POP1: variants seen among roughly 807,000 people sequenced by gnomAD.
The protein encoded by POP1 is ribonucleases P/MRP protein subunit POP1.
In POP1, 75 loss-of-function variants were observed where a neutral mutation model predicts 102.2. That is an observed-to-expected ratio of 0.73 (90% CI 0.61 to 0.89). POP1 has a LOEUF of 0.89. Among genes scored for constraint, POP1 ranks in the 40% least tolerant of loss-of-function variants. The pLI, the probability that POP1 is intolerant of heterozygous loss-of-function variation, is 0.00. For synonymous variants in POP1, 436 were observed against 464.1 expected (o/e 0.94, Z 0.78); for missense variants, 1,116 against 1,267.4 (o/e 0.88, Z 1.81).
chr8:98,137,417 C>G (rs1816577369), intron 9 of POP1, among the ~76,000 whole-genome samples: 1 of 152,094 alleles, frequency 6.6e-6, no homozygotes, highest in Non-Finnish European at 1.5e-5. Context: ...ATTCTCCTGC[C>G]TCAGCCCCCC....
chr8:98,155,950 TGTGTG>T, intron 14 of POP1, 95 bp from the exon 15 acceptor site: 16 of 949,486 alleles, frequency 1.7e-5, no homozygotes, highest in South Asian at 2.7e-5. Flanking sequence ...TGTGTGTGTG[TGTGTG>T]TTTTAAAATA....
intron 5 of POP1, among the ~76,000 whole-genome samples, chr8:98,130,688 A>G (rs556967579): frequency 1.3e-5 from 2 of 152,352 alleles, no homozygotes; most frequent in South Asian, 4.1e-4. Context: ...CAGGTCGTGC[A>G]GGTCTTGTTG....
intron 14 of POP1, among the ~76,000 whole-genome samples, chr8:98,153,531 C>CCCTTTTTTTTTTTT (rs1430760385): frequency 1.2e-5 from 1 of 81,236 alleles, no homozygotes; most frequent in African/African-American, 6.2e-5. Context: ...ACAGTTCTGA[C>CCCTTTTTTTTTTTT]TCTTTTTTTT....
intron 11 of POP1, among the ~76,000 whole-genome samples, chr8:98,141,402 G>T (rs904493779): frequency 1.3e-5 from 2 of 152,058 alleles, no homozygotes; most frequent in African/African-American, 4.8e-5. Flanking sequence ...TGGGTAAGGG[G>T]CTGGCTAAAA....
intron 1 of POP1, among the ~76,000 whole-genome samples, chr8:98,118,461 T>C (rs1203218153): frequency 6.6e-6 from 1 of 152,196 alleles, no homozygotes; most frequent in Non-Finnish European, 1.5e-5. Context: ...GATCTCACTC[T>C]GTCACCCTGG....
rs139031026 is a variant in POP1 at position 98,117,313 on chromosome 8, T to A, written c.-80T>A. 45 of 585,292 alleles carry A rather than the reference T, an allele frequency of 7.7e-5. No individual in the cohort carries two copies. The African/African-American group carries it at 8.2e-4, about 11-fold the overall frequency. 36.3% of individuals were successfully genotyped at this position (585,292 alleles called of 1,614,324 possible). On this transcript the variant is annotated 5_prime_UTR_variant, in exon 1 of 16. Coordinates refer to ENST00000401707, the MANE Select transcript of POP1 (RefSeq NM_001145860.2). ...GGCGCATGCGCTCTCCAGCGCGCTC[T>A]CCAGGAGCTTTGGCTCGGTGGGTAC... is the stretch of plus-strand genomic sequence containing the variant.
intron 5 of POP1, among the ~76,000 whole-genome samples, chr8:98,132,549 A>T (rs1311067697): frequency 3.3e-5 from 5 of 152,176 alleles, no homozygotes; most frequent in African/African-American, 1.2e-4. Flanking sequence ...TTGCTTAAAG[A>T]TGCTATAGCA....
In POP1 at chr8:98,123,491, AT is replaced by A. The variant is rs1816096870; in HGVS notation, c.142+13del. ...AGCTCAAAAACAAGGTAAAATACAC[AT>A]AAGAGACCAGGCATGGTGGCTCACG... is the stretch of plus-strand genomic sequence containing the variant. On this transcript the variant is annotated intron_variant, in intron 2 of 15. Coordinates refer to ENST00000401707, the MANE Select transcript of POP1 (RefSeq NM_001145860.2). The A allele has an allele frequency of 6.2e-7, 1 of 1,612,174 alleles. No homozygotes were observed. Among genetic ancestry groups the A allele is most frequent in the Admixed American group, 1.7e-5 (1 of 59,886 alleles).
rs12547757 is a variant in POP1, at chr8:98,153,532, T to C, written c.2058-2518T>C. On this transcript the variant is annotated intron_variant, in intron 14 of 15. Coordinates refer to ENST00000401707, the MANE Select transcript of POP1 (RefSeq NM_001145860.2). ...AACTAGATTTACAAACAGTTCTGAC[T>C]CTTTTTTTTTTTTTTTTTTTTTTTG... Among the ~76,000 whole-genome samples the C allele has an allele frequency of 1.4e-3, 122 of 87,620 alleles. 3 individuals are homozygous for C. Among genetic ancestry groups the C allele is most frequent in the Admixed American group, 1.3e-3 (11 of 8,152 alleles). The allele number at this position is 87,620 out of a possible 152,430, so 57.5% of individuals were successfully genotyped here.
intron 1 of POP1, among the ~76,000 whole-genome samples, chr8:98,119,942 T>C (rs1305852251): frequency 6.6e-6 from 1 of 152,204 alleles, no homozygotes; most frequent in Admixed American, 6.5e-5. Flanking sequence ...CCTTCTGCTG[T>C]TAGAGGACCA....
intron 1 of POP1, among the ~76,000 whole-genome samples, chr8:98,121,665 G>A (rs375404167): frequency 6.6e-6 from 1 of 150,412 alleles, no homozygotes; most frequent in Non-Finnish European, 1.5e-5. Context: ...CTACAGGTGC[G>A]CGCCACTGCA....
chr8:98,124,383 G>A (rs1159072195), intron 2 of POP1, among the ~76,000 whole-genome samples: 9 of 152,084 alleles, frequency 5.9e-5, no homozygotes, highest in Admixed American at 4.6e-4. Context: ...CCAACATGGC[G>A]AAACTCCGTC....
In POP1 at chr8:98,158,004, C is replaced by T. The variant is rs146111575; in HGVS notation, c.2808C>T (p.Pro936=). 3.5e-5 allele frequency: 56 copies of T among 1,612,252 alleles called. No individual in the cohort carries two copies. The highest frequency in any genetic ancestry group is 1.1e-4 in the African/African-American group (8 of 74,926). ...CTGATGGCCCGGCGGGGGAAGAGCC[C>T]GTGGCTGGGCAGGAAGCTCTGACTC... is the stretch of plus-strand genomic sequence containing the variant. The part of the protein sequence containing the change: ...ASSDGPAGEE[P]VAGQEALTLG... The change falls in exon 16 of 16, where the codon CCC becomes CCT. Residue 936 remains proline (P), a synonymous_variant. Transcript: ENST00000401707.
At chr8:98,129,400 A>G (rs951756278) in intron 4 of POP1, among the ~76,000 whole-genome samples, 10 of 152,190 alleles carry the variant, frequency 6.6e-5, no homozygotes, top group African/African-American at 1.2e-4. Flanking sequence ...TCTATGTACC[A>G]TTGCTATGCT....
At chr8:98,119,682 G>A (rs929445629) in intron 1 of POP1, among the ~76,000 whole-genome samples, 1 of 151,930 alleles carries the variant, frequency 6.6e-6, no homozygotes, top group South Asian at 2.1e-4. Flanking sequence ...TGTCTCAAGC[G>A]ATCTTCCCAC....
At chr8:98,121,878 G>A (rs1816035835) in intron 1 of POP1, among the ~76,000 whole-genome samples, 1 of 151,924 alleles carries the variant, frequency 6.6e-6, no homozygotes, top group South Asian at 2.1e-4. Context: ...GTAGAGACGG[G>A]GTTTCACTGT....
At chr8:98,136,066 T>A (rs4543514) in intron 7 of POP1, among the ~76,000 whole-genome samples, 97,350 of 151,254 alleles carry the variant, frequency 0.64, 31,397 homozygotes, top group South Asian at 0.82. Context: ...ACAAATGTGA[T>A]TTTTTTTTAT....
At chr8:98,155,406 T>G (rs1240804529) in intron 14 of POP1, among the ~76,000 whole-genome samples, 2 of 149,418 alleles carry the variant, frequency 1.3e-5, no homozygotes, top group Middle Eastern at 3.6e-3. Context: ...TCAGCCTCCC[T>G]AGTATCTGGG....
At chr8:98,152,570 A>G (rs1809543602) in intron 14 of POP1, among the ~76,000 whole-genome samples, 1 of 152,066 alleles carries the variant, frequency 6.6e-6, no homozygotes, top group Non-Finnish European at 1.5e-5. Context: ...TGAATTTCAT[A>G]TAATTTTCAT....
Sources: allele counts gnomAD v4.1 joint callset (sites outside exome capture counted in the v4.1 genomes callset), GRCh38; gene constraint gnomAD v4.1.1; transcripts MANE v1.5; gene names NCBI Gene and HGNC (gene_info 2026-07-23, HGNC 2026-07-21).